Variants in INPP5J observed in about 807,000 individuals in gnomAD.
INPP5J encodes the protein phosphatidylinositol 4,5-bisphosphate 5-phosphatase A.
Under a neutral mutation model 86.6 loss-of-function variants are expected in INPP5J, and 75 were observed. That is an observed-to-expected ratio of 0.87 (90% CI 0.72 to 1.05). The LOEUF (loss-of-function observed/expected upper bound fraction) is 1.05, where lower values mean the gene tolerates loss of function less well. Among genes scored for constraint, INPP5J ranks in the 50% least tolerant of loss-of-function variants. INPP5J has a pLI of 0.00. For missense variants in INPP5J, 1,229 were observed against 1,341.2 expected, an observed-to-expected ratio of 0.92 and a Z score of 1.31; for synonymous variants, 540 against 550.0, an observed-to-expected ratio of 0.98 and a Z score of 0.25.
chr22:31,123,906 A>C (rs1274485832), intron 1 of INPP5J: 1 of 152,134 alleles, frequency 6.6e-6, no homozygotes, highest in Non-Finnish European at 1.5e-5. Flanking sequence ...GTAGGGGAGA[A>C]AGTGGAGGAT....
At chr22:31,131,455 C>T (rs921321954) in intron 9 of INPP5J, among the ~76,000 whole-genome samples, 5 of 151,394 alleles carry the variant, frequency 3.3e-5, no homozygotes, top group African/African-American at 4.9e-5. Context: ...CCTAGCTACT[C>T]GGGAGGCTGA....
In INPP5J at chr22:31,126,691, G is replaced by A; in HGVS notation, c.1464G>A (p.Met488Ile). The A allele has an allele frequency of 6.2e-7, 1 of 1,613,880 alleles. No individual in the cohort carries two copies. Among genetic ancestry groups the A allele is most frequent in the Non-Finnish European group, 8.5e-7 (1 of 1,179,778 alleles). ...CGGACCAGTGGAGTGAGCTGTTCAT[G>A]GATGCGCTAGGGCCCTTCAACTTCG... Reference protein sequence around the residue: ...LFTDQWSELFMDALGPFNFVL... With the variant: ...LFTDQWSELFIDALGPFNFVL... Residue 488 changes from methionine (M) to isoleucine (I), a missense_variant, in exon 4 of 13, where the codon ATG (methionine) becomes ATA (isoleucine). Transcript: ENST00000331075.
intron 10 of INPP5J, 34 bp downstream of exon 10, chr22:31,133,269 A>C: frequency 1.2e-6 from 2 of 1,604,418 alleles, no homozygotes; most frequent in South Asian, 2.2e-5. Flanking sequence ...CGACTCAGGG[A>C]AGAAAGGGGC....
In INPP5J at chr22:31,134,307, A is replaced by T; in HGVS notation, c.2909A>T (p.Asp970Val). 6.4e-7 allele frequency: 1 copy of T among 1,554,326 alleles called. No homozygotes were observed. The highest frequency in any genetic ancestry group is 1.9e-5 in the Admixed American group (1 of 51,588). Residue 970 changes from aspartate (D) to valine (V), a missense_variant, in exon 13 of 13, where the codon GAC (aspartate) becomes GTC (valine). Asp to Val is a radical substitution (Grantham distance 152, BLOSUM62 -3). Coordinates refer to ENST00000331075, the MANE Select transcript of INPP5J (RefSeq NM_001284285.2). ...CCCGCCTTGCGCCTAGAGACTGTAGACCCTGGTGGTGGTGGCTCCTGGGGA... is the reference window on the plus strand; with the variant it reads ...CCCGCCTTGCGCCTAGAGACTGTAGTCCCTGGTGGTGGTGGCTCCTGGGGA... The part of the protein sequence containing the change: ...LLPALRLETV[D>V]PGGGGSWGPD...
intron 1 of INPP5J, 59 bp downstream of exon 1, chr22:31,123,178 C>G: frequency 9.5e-7 from 1 of 1,053,680 alleles, no homozygotes; most frequent in Non-Finnish European, 1.3e-6. Flanking sequence ...CACACACCCC[C>G]CCCACATACA....
intron 2 of INPP5J, 92 bp from the exon 3 acceptor site, chr22:31,126,284 C>T (rs866284614): frequency 9.0e-7 from 1 of 1,111,974 alleles, no homozygotes. Context: ...CCACACCTGC[C>T]TCCATTTAGT....
At chr22:31,131,433 C>T (rs1922054724) in intron 9 of INPP5J, among the ~76,000 whole-genome samples, 1 of 151,906 alleles carries the variant, frequency 6.6e-6, no homozygotes, top group Admixed American at 6.6e-5. Context: ...TGTGGTGGTG[C>T]GCACCTGTAG....
At chr22:31,127,894 G>A (rs947580647) in intron 6 of INPP5J, 57 bp from the exon 7 acceptor site, 5 of 1,005,260 alleles carry the variant, frequency 5.0e-6, no homozygotes, top group Non-Finnish European at 7.8e-6. Flanking sequence ...ATCCTCCATG[G>A]ACCTGTTGAC....
In INPP5J at chr22:31,134,198, C is replaced by G; in HGVS notation, c.2800C>G (p.Arg934Gly). The G allele has an allele frequency of 6.5e-7, 1 of 1,549,932 alleles. No homozygotes were observed. The highest frequency in any genetic ancestry group is 8.7e-7 in the Non-Finnish European group (1 of 1,146,580). The change falls in exon 13 of 13, where the codon CGG becomes GGG. Residue 934 changes from arginine to glycine, a missense_variant. Transcript: ENST00000331075. ...TGACAGGAGCAGTAATGGCAGCAGC[C>G]GGGGCAGTAGTGAAGAGGGGCCCTC... Reference protein sequence around the residue: ...APDRSSNGSSRGSSEEGPSGL... With the variant: ...APDRSSNGSSGGSSEEGPSGL...
At position 31,125,285 on chromosome 22, in the gene INPP5J, C is replaced by G; in HGVS notation, c.546C>G (p.Ala182=). ...TGGGACCCAAGCCAACACTGGCAGC[C>G]TCTGGCCTGAGCCTGGCCCTGGCTT... ...ASVGPKPTLA[A]SGLSLALASE... is the part of the protein sequence containing the mutation. Residue 182 remains alanine (A), a synonymous_variant, in exon 2 of 13, where the codon GCC becomes GCG. Transcript: ENST00000331075. 1 of 1,550,580 alleles carries G rather than the reference C, an allele frequency of 6.4e-7. No individual in the cohort carries two copies. The highest frequency in any genetic ancestry group is 8.7e-7 in the Non-Finnish European group (1 of 1,146,988).
intron 9 of INPP5J, among the ~76,000 whole-genome samples, chr22:31,128,926 T>A (rs187563882): frequency 1.1e-4 from 14 of 132,726 alleles, no homozygotes; most frequent in African/African-American, 3.7e-4. Flanking sequence ...CCATGCCTTT[T>A]CTTTTTTTTT....
chr22:31,126,595 C>G lies in INPP5J; in HGVS notation c.1386-18C>G. 1 of 1,610,702 alleles carries G rather than the reference C, an allele frequency of 6.2e-7. No homozygotes were observed. Among genetic ancestry groups the G allele is most frequent in the African/African-American group, 1.3e-5 (1 of 75,002 alleles). ...GCACCTCTCCAATCCCATGGCCACC[C>G]TGCCCCCACCCCTCCAGGTTGCAGG... On this transcript the variant is annotated intron_variant, in intron 3 of 12. Coordinates refer to ENST00000331075, the MANE Select transcript of INPP5J (RefSeq NM_001284285.2).
At chr22:31,129,351 C>T (rs1247560069) in intron 9 of INPP5J, among the ~76,000 whole-genome samples, 10 of 150,018 alleles carry the variant, frequency 6.7e-5, no homozygotes, top group Non-Finnish European at 1.0e-4. Flanking sequence ...AGCGATTCTC[C>T]CGTCTCAGCC....
chr22:31,130,907 C>T (rs1922011880), intron 9 of INPP5J, among the ~76,000 whole-genome samples: 1 of 152,120 alleles, frequency 6.6e-6, no homozygotes, highest in Non-Finnish European at 1.5e-5. Flanking sequence ...ATCTGAGGCT[C>T]CTCATGGGGT....
intron 9 of INPP5J, among the ~76,000 whole-genome samples, chr22:31,129,098 AT>A (rs1921806183): frequency 6.6e-6 from 1 of 151,126 alleles, no homozygotes; most frequent in South Asian, 2.1e-4. Context: ...CGCCAGGCTA[AT>A]TTTTGTATTT....
Position 31,125,584 on chromosome 22 carries a change from G to A in INPP5J, c.845G>A (p.Arg282Gln), listed in dbSNP as rs1602727812. The change falls in exon 2 of 13, where the codon CGA (arginine) becomes CAA (glutamine). Residue 282 changes from arginine (R) to glutamine (Q), a missense_variant. Transcript: ENST00000331075. ...GACCCTCGGCTCTCCCCCTCCTTCC[G>A]AGCCCGGCCTGAGGCCCTCCACAGC... ...SPDPRLSPSF[R>Q]ARPEALHSSP... 14 of 1,549,882 alleles carry A rather than the reference G, an allele frequency of 9.0e-6. No homozygotes were observed. The highest frequency in any genetic ancestry group is 1.4e-5 in the African/African-American group (1 of 72,820).
intron 1 of INPP5J, chr22:31,124,251 G>C (rs1921134051): frequency 5.1e-6 from 5 of 986,018 alleles, no homozygotes; most frequent in Non-Finnish European, 4.8e-6. Context: ...CCTGAGTGGA[G>C]CTCTGGGAAT....
chr22:31,133,724 C>A lies in INPP5J; in HGVS notation c.2514+10C>A, dbSNP rs1204566517. On this transcript the variant is annotated intron_variant, in intron 12 of 12. Coordinates refer to ENST00000331075, the MANE Select transcript of INPP5J (RefSeq NM_001284285.2). ...CACTGAACCCTTCCAGGTAAGTAGGCCAGACTGCTGGGCTGGGGGTGCCTA... is the reference window on the plus strand; with the variant it reads ...CACTGAACCCTTCCAGGTAAGTAGGACAGACTGCTGGGCTGGGGGTGCCTA... The A allele has an allele frequency of 3.7e-6, 6 of 1,605,324 alleles. No individual in the cohort carries two copies. The highest frequency in any genetic ancestry group is 3.3e-5 in the South Asian group (3 of 90,268).
Position 31,123,064 on chromosome 22 carries a change from G to C in INPP5J, c.50G>C (p.Gly17Ala), listed in dbSNP as rs936977393. The change falls in exon 1 of 13, where the codon GGC (glycine) becomes GCC (alanine). Residue 17 changes from glycine (G) to alanine (A), a missense_variant. By Grantham distance (60) the Gly-to-Ala change is moderately conservative (BLOSUM62 0). Coordinates refer to ENST00000331075, the MANE Select transcript of INPP5J (RefSeq NM_001284285.2). ...RGSRRPGTRAGLGSLPMPQGV... is the reference protein window; with the variant it reads ...RGSRRPGTRAALGSLPMPQGV... ...AGCAGGAGGCCAGGGACCCGGGCTG[G>C]CCTGGGTTCCCTGCCCATGCCCCAG... The C allele has an allele frequency of 3.4e-6, 5 of 1,484,352 alleles. No homozygotes were observed. In the African/African-American group the frequency reaches 7.3e-5, roughly 22 times the overall value. 91.9% of individuals were successfully genotyped at this position (1,484,352 alleles called of 1,614,324 possible).
Sources: gnomAD v4.1 joint callset for allele counts (sites outside exome capture counted in the v4.1 genomes callset) on GRCh38, gnomAD v4.1.1 for gene constraint, MANE v1.5 for transcripts, NCBI Gene and HGNC (gene_info 2026-07-23, HGNC 2026-07-21) for gene names.